TMPRSS15: variants seen among roughly 807,000 people sequenced by gnomAD.
TMPRSS15 encodes the protein enteropeptidase.
A neutral mutation model predicts 125.3 loss-of-function variants in TMPRSS15; 128 were observed. That is an observed-to-expected ratio of 1.02 (90% CI 0.89 to 1.18). TMPRSS15 has a LOEUF of 1.18. Ranked by LOEUF, TMPRSS15 falls within the 50% of genes most tolerant of loss-of-function variation. The pLI is 0.00. For missense variants in TMPRSS15, 1,283 were observed against 1,212.7 expected, an observed-to-expected ratio of 1.06 and a Z score of -0.86; for synonymous variants, 446 against 423.2, an observed-to-expected ratio of 1.05 and a Z score of -0.66.
chr21:18,326,667 G>A (rs2075294656), intron 15 of TMPRSS15, 95 bp from the exon 16 acceptor site: 1 of 1,450,056 alleles, frequency 6.9e-7, no homozygotes, highest in Non-Finnish European at 9.6e-7. Flanking sequence ...CAGACGTAGG[G>A]CTACATGTTA....
intron 10 of TMPRSS15, among the ~76,000 whole-genome samples, chr21:18,347,986 G>C (rs979089985): frequency 2.6e-5 from 4 of 152,022 alleles, no homozygotes; most frequent in Non-Finnish European, 5.9e-5. Context: ...AAAGAGAAGG[G>C]GGAGTTTGAC....
intron 18 of TMPRSS15, among the ~76,000 whole-genome samples, chr21:18,301,970 A>C (rs1357971872): frequency 6.6e-6 from 1 of 152,186 alleles, no homozygotes; most frequent in African/African-American, 2.4e-5. Flanking sequence ...AGGATATCTC[A>C]AGGATACTTG....
At chr21:18,325,541 T>C (rs542008874) in intron 16 of TMPRSS15, among the ~76,000 whole-genome samples, 6 of 152,044 alleles carry the variant, frequency 3.9e-5, no homozygotes, top group Non-Finnish European at 7.4e-5. Flanking sequence ...CAGATGAAGA[T>C]GAACTATCCA....
chr21:18,329,819 AT>A (rs1273971096), intron 14 of TMPRSS15, among the ~76,000 whole-genome samples: 2 of 151,640 alleles, frequency 1.3e-5, no homozygotes, highest in Non-Finnish European at 2.9e-5. Context: ...GTTTTTATTG[AT>A]TTTGTAAATA....
intron 10 of TMPRSS15, among the ~76,000 whole-genome samples, 162 bp from the exon 11 acceptor site, chr21:18,344,222 A>C (rs1393844409): frequency 6.6e-6 from 1 of 152,190 alleles, no homozygotes; most frequent in Non-Finnish European, 1.5e-5. Flanking sequence ...AGAAAGCAGT[A>C]TTTTTGCCAT....
intron 1 of TMPRSS15, among the ~76,000 whole-genome samples, chr21:18,420,303 C>A (rs988715969): frequency 6.6e-6 from 1 of 152,088 alleles, no homozygotes; most frequent in Admixed American, 6.6e-5. Flanking sequence ...GCTGAAGTCA[C>A]CATTATTTAG....
intron 10 of TMPRSS15, among the ~76,000 whole-genome samples, chr21:18,352,628 T>G (rs2075581633): frequency 6.6e-6 from 1 of 151,994 alleles, no homozygotes; most frequent in African/African-American, 2.4e-5. Flanking sequence ...AAGTGGCAAG[T>G]CTAGGATGAC....
At chr21:18,341,700 T>C in intron 12 of TMPRSS15, 152 bp from the exon 13 acceptor site, 1 of 881,702 alleles carries the variant, frequency 1.1e-6, no homozygotes, top group Non-Finnish European at 1.8e-6. Context: ...TAGTGAAATC[T>C]TGACAGATCA....
At chr21:18,353,243 A>G (rs1265281188) in intron 9 of TMPRSS15, among the ~76,000 whole-genome samples, 191 bp from the exon 10 acceptor site, 1 of 151,786 alleles carries the variant, frequency 6.6e-6, no homozygotes, top group East Asian at 1.9e-4. Context: ...TTTGTTGCCA[A>G]CTGTGTTAAA....
At chr21:18,473,259 T>C (rs1601475681) in intron 1 of TMPRSS15, among the ~76,000 whole-genome samples, 1 of 152,020 alleles carries the variant, frequency 6.6e-6, no homozygotes, top group Non-Finnish European at 1.5e-5. Flanking sequence ...AAGGGAAAAA[T>C]AGTATGATTT....
chr21:18,329,529 T>C (rs894671178), intron 14 of TMPRSS15, among the ~76,000 whole-genome samples: 4 of 151,628 alleles, frequency 2.6e-5, no homozygotes, highest in Non-Finnish European at 5.9e-5. Flanking sequence ...TTGAAATTAG[T>C]ATAATTGATA....
intron 1 of TMPRSS15, among the ~76,000 whole-genome samples, chr21:18,410,206 A>G (rs2076162480): frequency 6.7e-6 from 1 of 149,728 alleles, no homozygotes; most frequent in Non-Finnish European, 1.5e-5. Context: ...CCTTCTTTTG[A>G]TGGCCCATAT....
intron 1 of TMPRSS15, among the ~76,000 whole-genome samples, chr21:18,431,426 T>C (rs565128390): frequency 6.6e-6 from 1 of 152,286 alleles, no homozygotes; most frequent in South Asian, 2.1e-4. Flanking sequence ...TCTTGGTCCA[T>C]TCTTTCTGTT....
chr21:18,294,520 A>AAAAT, intron 20 of TMPRSS15, 76 bp from the exon 21 acceptor site: 1 of 1,603,992 alleles, frequency 6.2e-7, no homozygotes, highest in Admixed American at 1.7e-5. Flanking sequence ...GAGTGGTAAC[A>AAAAT]AAATAACTTC....
intron 1 of TMPRSS15, among the ~76,000 whole-genome samples, chr21:18,444,873 T>C (rs2076251489): frequency 6.6e-6 from 1 of 152,108 alleles, no homozygotes; most frequent in East Asian, 1.9e-4. Context: ...CTTCCAAACC[T>C]CTGATAATCA....
At chr21:18,331,170 G>A (rs1251834776) in intron 14 of TMPRSS15, among the ~76,000 whole-genome samples, 1 of 151,734 alleles carries the variant, frequency 6.6e-6, no homozygotes, top group Non-Finnish European at 1.5e-5. Flanking sequence ...TATTTTTTGG[G>A]GATGAGGTAT....
intron 3 of TMPRSS15, among the ~76,000 whole-genome samples, chr21:18,385,075 G>C (rs951691249): frequency 6.6e-6 from 1 of 152,050 alleles, no homozygotes; most frequent in Non-Finnish European, 1.5e-5. Context: ...AAATGAACAA[G>C]ATGATATAAT....
intron 21 of TMPRSS15, among the ~76,000 whole-genome samples, chr21:18,287,766 C>T (rs2074783419): frequency 6.6e-6 from 1 of 152,128 alleles, no homozygotes; most frequent in Non-Finnish European, 1.5e-5. Flanking sequence ...CTAATAAAGA[C>T]ATAAATCTAA....
intron 1 of TMPRSS15, among the ~76,000 whole-genome samples, chr21:18,464,306 G>A (rs1239718608): frequency 2.6e-5 from 4 of 151,706 alleles, no homozygotes; most frequent in African/African-American, 4.8e-5. Flanking sequence ...AGAGGAGAAA[G>A]TGGGAAAGAT....
Sources: gnomAD v4.1 joint callset for allele counts (sites outside exome capture counted in the v4.1 genomes callset) on GRCh38, gnomAD v4.1.1 for gene constraint, MANE v1.5 for transcripts, NCBI Gene and HGNC (gene_info 2026-07-23, HGNC 2026-07-21) for gene names.